The following LRRTM3 variants were observed in gnomAD, a reference collection of about 807,000 sequenced individuals.
LRRTM3 encodes the protein leucine rich repeat transmembrane neuronal 3.
Under a neutral mutation model 44.7 loss-of-function variants are expected in LRRTM3, and 24 were observed. The observed-to-expected ratio is 0.54, with a 90% CI of 0.39 to 0.76. LRRTM3 has a LOEUF of 0.76. Among genes scored for constraint, LRRTM3 ranks in the 30% least tolerant of loss-of-function variants. The pLI, the probability that LRRTM3 is intolerant of heterozygous loss-of-function variation, is 0.00. For synonymous variants in LRRTM3, 277 were observed against 278.7 expected, an observed-to-expected ratio of 0.99 and a Z score of 0.06; for missense variants, 587 against 702.2, an observed-to-expected ratio of 0.84 and a Z score of 1.85.
At chr10:66,957,278 A>C (rs1848839486) in intron 2 of LRRTM3, among the ~76,000 whole-genome samples, 1 of 151,732 alleles carries the variant, frequency 6.6e-6, no homozygotes, top group Admixed American at 6.6e-5. Flanking sequence ...TCCTAAATTT[A>C]CTATTTGCTC....
At chr10:67,080,095 T>G (rs922872110) in intron 2 of LRRTM3, among the ~76,000 whole-genome samples, 1 of 152,132 alleles carries the variant, frequency 6.6e-6, no homozygotes, top group Non-Finnish European at 1.5e-5. Context: ...AGGGAGGGCA[T>G]GGCAAGAAGA....
At position 66,978,512 on chromosome 10, in the gene LRRTM3, G is replaced by A. The variant is rs182191663; in HGVS notation, c.1536+50060G>A. ...ACTGCACTCCAGCCTGGATGATAGAGTGAGACTCCATCTCAAAAAAAAAAA... is the reference window on the plus strand; with the variant it reads ...ACTGCACTCCAGCCTGGATGATAGAATGAGACTCCATCTCAAAAAAAAAAA... On this transcript the variant is annotated intron_variant, in intron 2 of 2. Coordinates refer to ENST00000361320, the MANE Select transcript of LRRTM3 (RefSeq NM_178011.5). 8.7e-3 allele frequency among the ~76,000 whole-genome samples: 634 copies of A among 72,602 alleles called. 7 individuals carry two copies. Among genetic ancestry groups the A allele is most frequent in the African/African-American group, 0.027 (605 of 22,392 alleles). 47.6% of individuals were successfully genotyped at this position (72,602 alleles called of 152,430 possible). A position where few individuals can be genotyped will look rare whatever the true frequency, so the allele number is the denominator to read the frequency against.
At chr10:67,032,696 T>C (rs2133114971) in intron 2 of LRRTM3, among the ~76,000 whole-genome samples, 2 of 152,350 alleles carry the variant, frequency 1.3e-5, no homozygotes, top group South Asian at 4.1e-4. Context: ...GTTTAAGGCT[T>C]CTAGCTTCAT....
intron 2 of LRRTM3, among the ~76,000 whole-genome samples, chr10:67,092,002 CTTAAG>C (rs1157390256): frequency 6.6e-6 from 1 of 151,804 alleles, no homozygotes; most frequent in Non-Finnish European, 1.5e-5. Flanking sequence ...CTGAAAACCC[CTTAAG>C]TTTAGTAGAT....
chr10:66,967,540 C>T (rs1444843569), intron 2 of LRRTM3, among the ~76,000 whole-genome samples: 1 of 151,974 alleles, frequency 6.6e-6, no homozygotes, highest in Non-Finnish European at 1.5e-5. Flanking sequence ...CCACTACTTG[C>T]ATCTGCACCC....
At chr10:67,038,792 A>G (rs771402039) in intron 2 of LRRTM3, among the ~76,000 whole-genome samples, 2 of 152,080 alleles carry the variant, frequency 1.3e-5, no homozygotes, top group African/African-American at 4.8e-5. Context: ...CTCTCTTTAT[A>G]TTGTCTGATA....
At chr10:67,073,995 A>G (rs1856599196) in intron 2 of LRRTM3, among the ~76,000 whole-genome samples, 2 of 150,988 alleles carry the variant, frequency 1.3e-5, no homozygotes, top group African/African-American at 4.9e-5. Flanking sequence ...ACTCAGATCT[A>G]CTGAATTATC....
chr10:67,008,427 C>T (rs1051138438), intron 2 of LRRTM3, among the ~76,000 whole-genome samples: 21 of 152,042 alleles, frequency 1.4e-4, no homozygotes, highest in Non-Finnish European at 5.9e-5. Flanking sequence ...TCTTGATTCA[C>T]CTCTTAGTAG....
chr10:66,943,591 G>T (rs191193358), intron 2 of LRRTM3, among the ~76,000 whole-genome samples: 2 of 151,426 alleles, frequency 1.3e-5, no homozygotes, highest in Non-Finnish European at 2.9e-5. Flanking sequence ...CTCTCACGGC[G>T]AGGTGTTTTG....
At chr10:67,005,060 A>C (rs1464556373) in intron 2 of LRRTM3, among the ~76,000 whole-genome samples, 1 of 152,184 alleles carries the variant, frequency 6.6e-6, no homozygotes, top group East Asian at 1.9e-4. Flanking sequence ...ACAATGTGGG[A>C]TTGGTGTTTT....
chr10:66,943,528 T>G (rs1410748501), intron 2 of LRRTM3, among the ~76,000 whole-genome samples: 1 of 152,086 alleles, frequency 6.6e-6, no homozygotes, highest in African/African-American at 2.4e-5. Flanking sequence ...CCTTTTTTTT[T>G]TTTTCAGTAT....
intron 2 of LRRTM3, chr10:67,052,774 AC>A (rs1855191879): frequency 6.6e-6 from 1 of 152,204 alleles, no homozygotes; most frequent in Non-Finnish European, 1.5e-5. Flanking sequence ...AAAGAAACAA[AC>A]AAAGTTTACA....
chr10:66,939,408 A>G (rs1048364303), intron 2 of LRRTM3, among the ~76,000 whole-genome samples: 2 of 152,216 alleles, frequency 1.3e-5, no homozygotes, highest in Non-Finnish European at 2.9e-5. Flanking sequence ...CTGAGTTAAA[A>G]GGAAAATACT....
intron 2 of LRRTM3, among the ~76,000 whole-genome samples, chr10:67,067,187 T>A (rs765547517): frequency 1.3e-5 from 2 of 152,156 alleles, no homozygotes; most frequent in Non-Finnish European, 2.9e-5. Flanking sequence ...TAGCAAACTA[T>A]ATGGAGAAAT....
chr10:66,984,106 G>C (rs991241197), intron 2 of LRRTM3, among the ~76,000 whole-genome samples: 3 of 152,072 alleles, frequency 2.0e-5, no homozygotes, highest in African/African-American at 7.2e-5. Flanking sequence ...AATAGTTATT[G>C]AGCACCTAAC....
At chr10:66,950,751 C>T (rs1486800710) in intron 2 of LRRTM3, among the ~76,000 whole-genome samples, 1 of 152,146 alleles carries the variant, frequency 6.6e-6, no homozygotes, top group Non-Finnish European at 1.5e-5. Context: ...TCAGCTGCAA[C>T]TATTTAATCC....
At chr10:67,029,202 C>A (rs931562230) in intron 2 of LRRTM3, among the ~76,000 whole-genome samples, 14 of 152,138 alleles carry the variant, frequency 9.2e-5, no homozygotes, top group African/African-American at 3.4e-4. Flanking sequence ...ATATTAGCAG[C>A]TATTTGAAAA....
chr10:66,998,155 G>A lies in LRRTM3; in HGVS notation c.1536+69703G>A, dbSNP rs542702053. Reference sequence around the variant, plus strand: ...AAGATGCAAACCAAATTCCTAACACGGCATTTTAGCACAGCCTTTGCATAT... The same window carrying A: ...AAGATGCAAACCAAATTCCTAACACAGCATTTTAGCACAGCCTTTGCATAT... On this transcript the variant is annotated intron_variant, in intron 2 of 2. Coordinates refer to ENST00000361320, the MANE Select transcript of LRRTM3 (RefSeq NM_178011.5). 1.3e-3 allele frequency among the ~76,000 whole-genome samples: 199 copies of A among 152,156 alleles called. 1 individual carries two copies. Among genetic ancestry groups the A allele is most frequent in the African/African-American group, 4.7e-3 (197 of 41,514 alleles).
chr10:67,065,986 T>C (rs952618673), intron 2 of LRRTM3, among the ~76,000 whole-genome samples: 16 of 152,114 alleles, frequency 1.1e-4, no homozygotes, highest in African/African-American at 3.9e-4. Flanking sequence ...ACTATGATTG[T>C]CATATTTTGA....
Sources: allele counts gnomAD v4.1 joint callset (sites outside exome capture counted in the v4.1 genomes callset), GRCh38; gene constraint gnomAD v4.1.1; transcripts MANE v1.5; gene names NCBI Gene and HGNC (gene_info 2026-07-23, HGNC 2026-07-21).